SRD5A2: variants seen among roughly 807,000 people sequenced by gnomAD.
SRD5A2 encodes 3-oxo-5-alpha-steroid 4-dehydrogenase 2.
Under a neutral mutation model 27.4 loss-of-function variants are expected in SRD5A2, and 30 were observed. That is an observed-to-expected ratio of 1.10 (90% CI 0.82 to 1.49). The LOEUF is 1.49. Ranked by LOEUF, SRD5A2 falls within the 40% of genes most tolerant of loss-of-function variation. SRD5A2 has a pLI of 0.00. For missense variants in SRD5A2, 348 were observed against 323.4 expected (o/e 1.08, Z -0.58); for synonymous variants, 141 against 133.6 (o/e 1.06, Z -0.38).
At chr2:31,631,848 T>A in the SRD5A2 span, among the ~76,000 whole-genome samples, 633 of 152,272 alleles carry the variant, frequency 4.2e-3, 8 homozygotes, top group African/African-American at 0.015. Context: ...TAGACCATCA[T>A]TGGGACACAG....
chr2:31,565,545 G>T (rs1666712678), intron 1 of SRD5A2, among the ~76,000 whole-genome samples: 1 of 151,786 alleles, frequency 6.6e-6, no homozygotes, highest in Non-Finnish European at 1.5e-5. Context: ...CTAGTAAAAA[G>T]AAATCTGTAG....
At chr2:31,609,915 CA>C in the SRD5A2 span, among the ~76,000 whole-genome samples, 1 of 151,512 alleles carries the variant, frequency 6.6e-6, no homozygotes, top group African/African-American at 2.4e-5. Context: ...TTAAAGATGG[CA>C]AAAAAAGAAA....
chr2:31,658,857 C>T, the SRD5A2 span, among the ~76,000 whole-genome samples: 1 of 152,102 alleles, frequency 6.6e-6, no homozygotes, highest in African/African-American at 2.4e-5. Flanking sequence ...TCTTCCTTAA[C>T]TCATCCTATG....
the SRD5A2 span, among the ~76,000 whole-genome samples, chr2:31,615,180 G>A: frequency 6.6e-6 from 1 of 152,148 alleles, no homozygotes; most frequent in Non-Finnish European, 1.5e-5. Flanking sequence ...ACAGTAAATT[G>A]GTAATGGTAG....
intron 1 of SRD5A2, among the ~76,000 whole-genome samples, chr2:31,544,555 T>C (rs1666204604): frequency 6.6e-6 from 1 of 151,860 alleles, no homozygotes; most frequent in Non-Finnish European, 1.5e-5. Context: ...GCAGCAAAAG[T>C]AGTGTTAAGC....
chr2:31,547,141 A>G (rs533890349), intron 1 of SRD5A2, among the ~76,000 whole-genome samples: 3 of 152,264 alleles, frequency 2.0e-5, no homozygotes, highest in South Asian at 2.1e-4. Flanking sequence ...ATAAAAGTCT[A>G]AAAGGCACAT....
the SRD5A2 span, among the ~76,000 whole-genome samples, chr2:31,610,370 A>T: frequency 6.6e-6 from 1 of 152,186 alleles, no homozygotes; most frequent in Admixed American, 6.6e-5. Context: ...AGATGCTTCA[A>T]CATATGTAAA....
rs147038466 is a variant in SRD5A2, at chr2:31,580,016, A to C, written c.281+604T>G. Among the ~76,000 whole-genome samples, 849 of 152,304 alleles carry C rather than the reference A, an allele frequency of 5.6e-3. 8 individuals are homozygous for C. The highest frequency in any genetic ancestry group is 0.018 in the African/African-American group (762 of 41,572). On this transcript the variant is annotated intron_variant, in intron 1 of 4. Transcript: ENST00000622030. ...AGAAGCGGGGACCCTCGCTTGAGTC[A>C]GTGGGATCTCACTATATTCTCTTCC... is the stretch of plus-strand genomic sequence containing the variant.
upstream of SRD5A2, among the ~76,000 whole-genome samples, chr2:31,584,933 C>T (rs1383666019): frequency 6.6e-6 from 1 of 152,216 alleles, no homozygotes; most frequent in African/African-American, 2.4e-5. Context: ...AGCACTGAAG[C>T]CACCCCTCCA....
At chr2:31,602,367 A>ACC in the SRD5A2 span, among the ~76,000 whole-genome samples, 1 of 150,568 alleles carries the variant, frequency 6.6e-6, no homozygotes, top group African/African-American at 2.4e-5. Flanking sequence ...GAAGTGAAGG[A>ACC]TCAAGGAGAA....
At chr2:31,628,494 T>C in the SRD5A2 span, among the ~76,000 whole-genome samples, 1 of 152,310 alleles carries the variant, frequency 6.6e-6, no homozygotes, top group Non-Finnish European at 1.5e-5. Context: ...TTGATATGTG[T>C]GGATTCGATC....
At chr2:31,555,410 A>T (rs1666475238) in intron 1 of SRD5A2, among the ~76,000 whole-genome samples, 1 of 152,094 alleles carries the variant, frequency 6.6e-6, no homozygotes, top group Non-Finnish European at 1.5e-5. Flanking sequence ...GTGCTATCAC[A>T]TTGGTTGTCT....
the SRD5A2 span, among the ~76,000 whole-genome samples, chr2:31,636,055 G>T: frequency 6.6e-6 from 1 of 151,848 alleles, no homozygotes; most frequent in Admixed American, 6.6e-5. Context: ...ATAAATTTTA[G>T]GATTTTTTTT....
the SRD5A2 span, among the ~76,000 whole-genome samples, chr2:31,649,894 T>C: frequency 6.6e-6 from 1 of 152,134 alleles, no homozygotes; most frequent in Admixed American, 6.6e-5. Context: ...CAAAGTTACA[T>C]TAATTTGTCT....
At chr2:31,622,278 T>G in the SRD5A2 span, among the ~76,000 whole-genome samples, 1 of 152,178 alleles carries the variant, frequency 6.6e-6, no homozygotes, top group South Asian at 2.1e-4. Flanking sequence ...GCTCCATCCA[T>G]GTCCCTACAC....
chr2:31,523,034 T>C lies in SRD5A2; in HGVS notation c.*3162A>G, dbSNP rs543152376. On this transcript the variant is annotated 3_prime_UTR_variant, in exon 5 of 5. Transcript: ENST00000622030. ...GGGTCTAAGCCGCCTAAATAGCTGT[T>C]TAATTGCGTATTTCTCATTAGAGCT... 4.1e-5 allele frequency: 9 copies of C among 218,896 alleles called. No homozygotes were observed. In the East Asian group the frequency reaches 5.4e-4, roughly 13 times the overall value. The allele number at this position is 218,896 out of a possible 1,614,324, so 13.6% of individuals were successfully genotyped here. A position where few individuals can be genotyped will look rare whatever the true frequency, so the allele number is the denominator to read the frequency against.
rs768670705 is a variant in SRD5A2, at chr2:31,580,764, C to T, written c.137G>A (p.Arg46His). The T allele has an allele frequency of 1.9e-6, 3 of 1,610,530 alleles. No homozygotes were observed. The highest frequency in any genetic ancestry group is 1.7e-5 in the Admixed American group (1 of 59,988). The change falls in exon 1 of 5, where the codon CGC becomes CAC. Residue 46 changes from arginine to histidine, a missense_variant. Arg to His is a conservative substitution (Grantham distance 29, BLOSUM62 0). Coordinates refer to ENST00000622030, the MANE Select transcript of SRD5A2 (RefSeq NM_000348.4). ...HTESLKPAATRLPARAAWFLQ... is the reference protein window; with the variant it reads ...HTESLKPAATHLPARAAWFLQ... Reference sequence around the variant, plus strand: ...GAACCAGGCGGCGCGGGCTGGCAGGCGGGTAGCCGCCGGCTTCAGGCTCTC... The same window carrying T: ...GAACCAGGCGGCGCGGGCTGGCAGGTGGGTAGCCGCCGGCTTCAGGCTCTC...
At chr2:31,640,957 G>T in the SRD5A2 span, among the ~76,000 whole-genome samples, 695 of 152,264 alleles carry the variant, frequency 4.6e-3, 35 homozygotes, top group East Asian at 0.12. Context: ...TGTGAGTTAG[G>T]TGGCGATTTT....
intron 1 of SRD5A2, among the ~76,000 whole-genome samples, chr2:31,558,047 C>A (rs1397855647): frequency 6.6e-6 from 1 of 152,154 alleles, no homozygotes; most frequent in Non-Finnish European, 1.5e-5. Flanking sequence ...AGCTTTTTAG[C>A]CATGGAGCAT....
Sources: allele counts gnomAD v4.1 joint callset (sites outside exome capture counted in the v4.1 genomes callset), GRCh38; gene constraint gnomAD v4.1.1; transcripts MANE v1.5; gene names NCBI Gene and HGNC (gene_info 2026-07-23, HGNC 2026-07-21).